The following SAMD5 variants were observed in gnomAD, a reference collection of about 807,000 sequenced individuals.
SAMD5 encodes the protein sterile alpha motif domain containing 5, also known as sterile alpha motif domain-containing protein 5.
A neutral mutation model predicts 11.3 loss-of-function variants in SAMD5; 13 were observed. The observed-to-expected ratio is 1.15, with a 90% CI of 0.75 to 1.83. The LOEUF is 1.83. SAMD5 is among the 40% of genes most tolerant of loss of function. The pLI is 0.00. For synonymous variants in SAMD5, 129 were observed against 111.3 expected (o/e 1.16, Z -1.00); for missense variants, 255 against 239.1 (o/e 1.07, Z -0.44).
rs1164279611 is a variant in SAMD5, at chr6:147,509,228, C to A, written c.300C>A (p.Gly100=). 1 of 1,388,484 alleles carries A rather than the reference C, an allele frequency of 7.2e-7. No homozygotes were observed. Among genetic ancestry groups the A allele is most frequent in the Non-Finnish European group, 9.4e-7 (1 of 1,065,444 alleles). The allele number at this position is 1,388,484 out of a possible 1,614,324, so 86.0% of individuals were successfully genotyped here. A position where few individuals can be genotyped will look rare whatever the true frequency, so the allele number is the denominator to read the frequency against. The stretch of plus-strand genomic sequence containing the variant: ...CCGGCCGCCGGGGGGAGCCGTGCGG[C>A]GGCCCGGCCCAGGGCACCCGCGGGG... ...VPTGRRGEPC[G]GPAQGTRGDS... Residue 100 remains glycine (G), a synonymous_variant, in exon 1 of 2, where the codon GGC becomes GGA. Transcript: ENST00000367474.
rs140698568 is a variant in SAMD5 at position 147,652,166 on chromosome 6, A to G, written c.163-85151A>G. The stretch of plus-strand genomic sequence containing the variant: ...CTAGCATTTTCCACTGTAACTGCAA[A>G]TATACAAAGTGTGTCATCTTTCTGG... On this transcript the variant is annotated intron_variant, in intron 1 of 1. Coordinates refer to the SAMD5 transcript ENST00000566741. Among the ~76,000 whole-genome samples the G allele has an allele frequency of 2.1e-3, 319 of 152,336 alleles. 1 individual carries two copies. Among genetic ancestry groups the G allele is most frequent in the African/African-American group, 7.3e-3 (304 of 41,580 alleles).
At chr6:147,536,468 T>A (rs186190991) in intron 1 of SAMD5, among the ~76,000 whole-genome samples, 1 of 152,350 alleles carries the variant, frequency 6.6e-6, no homozygotes, top group Admixed American at 6.5e-5. Context: ...TAAGTTTTTT[T>A]GACTTAGAAA....
At position 147,627,121 on chromosome 6, in the gene SAMD5, T is replaced by A. The variant is rs867347587; in HGVS notation, c.163-110196T>A. Reference sequence around the variant, plus strand: ...TGATGTTGGAAATAACCTGAAGAGCTCTCATTCCTGGGTGGAATTTTCATT... The same window carrying A: ...TGATGTTGGAAATAACCTGAAGAGCACTCATTCCTGGGTGGAATTTTCATT... On this transcript the variant is annotated intron_variant, in intron 1 of 1. Coordinates refer to the SAMD5 transcript ENST00000566741. Among the ~76,000 whole-genome samples, 10 of 152,356 alleles carry A rather than the reference T, an allele frequency of 6.6e-5. No homozygotes were observed. In the South Asian group the frequency reaches 1.9e-3, roughly 28 times the overall value.
intron 1 of SAMD5, among the ~76,000 whole-genome samples, chr6:147,681,346 A>G (rs944791540): frequency 6.6e-6 from 1 of 151,844 alleles, no homozygotes; most frequent in Non-Finnish European, 1.5e-5. Flanking sequence ...TGTTTTTTTC[A>G]TCTCAGGCAC....
At chr6:147,648,478 C>A (rs770528980) in intron 1 of SAMD5, among the ~76,000 whole-genome samples, 1 of 152,170 alleles carries the variant, frequency 6.6e-6, no homozygotes, top group East Asian at 1.9e-4. Context: ...CACAGCCAAA[C>A]AACATCAGTG....
intron 1 of SAMD5, among the ~76,000 whole-genome samples, chr6:147,719,135 T>C (rs6922255): frequency 0.17 from 26,357 of 152,210 alleles, 3,591 homozygotes; most frequent in African/African-American, 0.37. Context: ...CAGTCAGTGC[T>C]GTGATGTCAA....
At chr6:147,751,308 G>T in the SAMD5 span, among the ~76,000 whole-genome samples, 3 of 151,928 alleles carry the variant, frequency 2.0e-5, no homozygotes, top group East Asian at 5.8e-4. Context: ...CGTTTAACAT[G>T]TTATATAGTT....
At chr6:147,793,320 A>G in the SAMD5 span, among the ~76,000 whole-genome samples, 8 of 152,312 alleles carry the variant, frequency 5.3e-5, 1 homozygote, top group South Asian at 1.4e-3. Context: ...CCTAACTAGT[A>G]CTTCTTAAAA....
the SAMD5 span, among the ~76,000 whole-genome samples, chr6:147,796,643 T>C: frequency 1.3e-5 from 2 of 152,344 alleles, no homozygotes; most frequent in Admixed American, 6.5e-5. Flanking sequence ...ATTGAATCTA[T>C]AAATTACCTT....
the SAMD5 span, among the ~76,000 whole-genome samples, chr6:147,892,915 A>G: frequency 6.6e-6 from 1 of 152,212 alleles, no homozygotes; most frequent in Non-Finnish European, 1.5e-5. Flanking sequence ...CTAACATTTT[A>G]AAAGTATTCA....
At chr6:147,603,886 G>A (rs913593218) in intron 1 of SAMD5, among the ~76,000 whole-genome samples, 1 of 152,138 alleles carries the variant, frequency 6.6e-6, no homozygotes, top group Non-Finnish European at 1.5e-5. Context: ...TGAAAGCTGG[G>A]CAGGATGGAG....
At chr6:147,812,334 G>A in the SAMD5 span, among the ~76,000 whole-genome samples, 1 of 152,096 alleles carries the variant, frequency 6.6e-6, no homozygotes, top group Non-Finnish European at 1.5e-5. Context: ...TCCATTCTCA[G>A]GGGTCAGTTT....
chr6:147,565,365 GA>G lies in SAMD5; in HGVS notation c.*914del. 1.0e-6 allele frequency: 1 copy of G among 985,830 alleles called. No individual in the cohort carries two copies. Among genetic ancestry groups the G allele is most frequent in the Non-Finnish European group, 1.2e-6 (1 of 829,914 alleles). The allele number at this position is 985,830 out of a possible 1,614,324, so 61.1% of individuals were successfully genotyped here. ...TGAGGAGCCCTGTAGAACTACGGCT[GA>G]AAAAGAAAGTAGATTGAGGTGGGGG... On this transcript the variant is annotated 3_prime_UTR_variant, in exon 2 of 2. Transcript: ENST00000367474.
the SAMD5 span, among the ~76,000 whole-genome samples, chr6:147,911,072 C>G: frequency 6.6e-6 from 1 of 152,170 alleles, no homozygotes; most frequent in Non-Finnish European, 1.5e-5. Context: ...AGCCTGTTAC[C>G]TCTGGGCAAA....
chr6:147,817,464 C>T, the SAMD5 span, among the ~76,000 whole-genome samples: 2,946 of 152,326 alleles, frequency 0.019, 99 homozygotes, highest in African/African-American at 0.067. Context: ...TTCATAAAGT[C>T]AGTAGCCTCT....
intron 1 of SAMD5, among the ~76,000 whole-genome samples, chr6:147,527,328 G>A (rs1788358187): frequency 6.6e-6 from 1 of 152,160 alleles, no homozygotes; most frequent in Admixed American, 6.5e-5. Context: ...AGGCAAAGTG[G>A]TGATCCAGCA....
the SAMD5 span, among the ~76,000 whole-genome samples, chr6:147,746,508 G>A: frequency 6.6e-6 from 1 of 152,186 alleles, no homozygotes; most frequent in Admixed American, 6.5e-5. Context: ...CTTTGTCAAG[G>A]AGAGTAATCT....
intron 1 of SAMD5, among the ~76,000 whole-genome samples, chr6:147,702,449 T>A (rs747343343): frequency 2.6e-5 from 4 of 152,178 alleles, no homozygotes; most frequent in African/African-American, 9.7e-5. Flanking sequence ...AGGGGTGACA[T>A]ATGTTTGAAC....
chr6:147,783,574 T>G, the SAMD5 span, among the ~76,000 whole-genome samples: 26 of 151,988 alleles, frequency 1.7e-4, no homozygotes, highest in Non-Finnish European at 3.7e-4. Context: ...TTTTGTTGTA[T>G]TTTTAGTAGA....
Sources: gnomAD v4.1 joint callset for allele counts (sites outside exome capture counted in the v4.1 genomes callset) on GRCh38, gnomAD v4.1.1 for gene constraint, MANE v1.5 for transcripts, NCBI Gene and HGNC (gene_info 2026-07-23, HGNC 2026-07-21) for gene names.